Variants in FCMR observed in about 807,000 individuals in gnomAD.
FCMR encodes immunoglobulin mu Fc receptor.
In FCMR, 34 loss-of-function variants were observed where a neutral mutation model predicts 41.6. That is an observed-to-expected ratio of 0.82 (90% confidence interval 0.62 to 1.09). The LOEUF is 1.09. FCMR is among the 50% of genes least tolerant of loss of function. FCMR has a pLI of 0.00. For synonymous variants in FCMR, 209 were observed against 211.8 expected (o/e 0.99, Z 0.12); for missense variants, 496 against 512.5 (o/e 0.97, Z 0.31).
chr1:206,907,728 G>T, intron 7 of FCMR: 1 of 971,580 alleles, frequency 1.0e-6, no homozygotes, highest in Non-Finnish European at 1.7e-6. Flanking sequence ...GTTGTCGTAC[G>T]CTGGGAGGGC....
chr1:206,905,512 G>C (rs912404612), intron 7 of FCMR, among the ~76,000 whole-genome samples: 1 of 152,186 alleles, frequency 6.6e-6, no homozygotes, highest in African/African-American at 2.4e-5. Context: ...TTCAGAAGTA[G>C]AGTGAGTCAC....
intron 2 of FCMR, 153 bp downstream of exon 2, chr1:206,913,606 C>T: frequency 1.6e-6 from 1 of 633,780 alleles, no homozygotes; most frequent in Non-Finnish European, 2.8e-6. Context: ...AGGTAATTGA[C>T]TATGAGGTTT....
At chr1:206,915,577 A>C (rs1679156605) in intron 1 of FCMR, among the ~76,000 whole-genome samples, 1 of 152,208 alleles carries the variant, frequency 6.6e-6, no homozygotes, top group Non-Finnish European at 1.5e-5. Context: ...AGCCAGCTAC[A>C]GAAGAGGGTA....
intron 1 of FCMR, among the ~76,000 whole-genome samples, chr1:206,917,996 A>C (rs1339909398): frequency 6.6e-6 from 1 of 151,898 alleles, no homozygotes; most frequent in Admixed American, 6.6e-5. Context: ...CTCTTTCTCA[A>C]ATCAGTCATC....
At chr1:206,908,073 GATAACC>G in intron 7 of FCMR, 1 of 1,142,338 alleles carries the variant, frequency 8.8e-7, no homozygotes, top group Non-Finnish European at 1.3e-6. Context: ...ACCAGGCAGT[GATAACC>G]ACCCTGGAGG....
At chr1:206,921,148 C>A (rs571738727) in intron 1 of FCMR, among the ~76,000 whole-genome samples, 1 of 152,074 alleles carries the variant, frequency 6.6e-6, no homozygotes, top group African/African-American at 2.4e-5. Flanking sequence ...GAATGGATTA[C>A]GGAATTTTCA....
intron 1 of FCMR, among the ~76,000 whole-genome samples, chr1:206,920,827 T>C (rs1679407939): frequency 6.6e-6 from 1 of 152,242 alleles, no homozygotes; most frequent in Non-Finnish European, 1.5e-5. Flanking sequence ...ACCTTCCTAG[T>C]ATCAATTGCT....
Position 206,909,963 on chromosome 1 carries a change from G to A in FCMR, c.842-95C>T. The A allele has an allele frequency of 7.6e-7, 1 of 1,312,332 alleles. No individual in the cohort carries two copies. The allele number at this position is 1,312,332 out of a possible 1,614,324, so 81.3% of individuals were successfully genotyped here. A position where few individuals can be genotyped will look rare whatever the true frequency, so the allele number is the denominator to read the frequency against. On this transcript the variant is annotated intron_variant, in intron 5 of 7. Coordinates refer to ENST00000367091, the MANE Select transcript of FCMR (RefSeq NM_005449.5). This position sits in a 1 kb window ranked among gnomAD's most constrained non-coding sequence, Gnocchi z 5.0. ...AAGGCTGCCTCCTCCCTCGGGCTTG[G>A]CAGTGTCTGACCTGGAGATGCTCCA...
chr1:206,917,088 G>A (rs1483850448), intron 1 of FCMR, among the ~76,000 whole-genome samples: 7 of 152,174 alleles, frequency 4.6e-5, no homozygotes. Context: ...GGGGATATGT[G>A]GCTTAAAGAA....
In FCMR at chr1:206,907,972, G is replaced by T. The variant is rs1453327845; in HGVS notation, c.1044+1490C>A. 2.8e-6 allele frequency: 4 copies of T among 1,449,196 alleles called. No homozygotes were observed. In the African/African-American group the frequency reaches 5.6e-5, roughly 20 times the overall value. 89.8% of individuals were successfully genotyped at this position (1,449,196 alleles called of 1,614,324 possible). The stretch of plus-strand genomic sequence containing the variant: ...GCCCTACGACAAGAAAAAGCGGATG[G>T]TGGTTCCTGCTGCCCTCAAGGTCGT... On this transcript the variant is annotated intron_variant, in intron 7 of 7. Coordinates refer to ENST00000367091, the MANE Select transcript of FCMR (RefSeq NM_005449.5).
chr1:206,909,025 ACCT>A lies in FCMR; in HGVS notation c.1044+434_1044+436del, dbSNP rs2102548533. On this transcript the variant is annotated intron_variant, in intron 7 of 7. Transcript: ENST00000367091. The surrounding 1 kb of genome is among the most constrained non-coding windows in gnomAD (Gnocchi z 5.0). ...AACCGCCTCCAGAGAAAGGTAAATT[ACCT>A]CCTCTCATCTTCGAGAGTTTACTAG... is the stretch of plus-strand genomic sequence containing the variant. Among the ~76,000 whole-genome samples the A allele has an allele frequency of 6.6e-6, 1 of 152,200 alleles. No homozygotes were observed. Among genetic ancestry groups the A allele is most frequent in the African/African-American group, 2.4e-5 (1 of 41,526 alleles).
chr1:206,922,718 AC>A (rs750647502), upstream of FCMR, among the ~76,000 whole-genome samples: 2 of 152,190 alleles, frequency 1.3e-5, no homozygotes, highest in Non-Finnish European at 2.9e-5. Context: ...AAGTCACAGC[AC>A]CCTGGTAGAG....
At chr1:206,907,635 T>C in intron 7 of FCMR, 2 of 757,062 alleles carry the variant, frequency 2.6e-6, no homozygotes, top group Admixed American at 3.5e-5. Flanking sequence ...GGGGTGCAGG[T>C]CCTGGTGCTT....
At chr1:206,907,937 G>C in intron 7 of FCMR, 1 of 1,294,062 alleles carries the variant, frequency 7.7e-7, no homozygotes, top group Non-Finnish European at 1.1e-6. Context: ...GTGTTTGACG[G>C]CATCCTACTG....
At chr1:206,906,122 T>C (rs1163831285) in intron 7 of FCMR, 1 of 485,672 alleles carries the variant, frequency 2.1e-6, no homozygotes, top group Non-Finnish European at 4.2e-6. Context: ...GCACTCCACT[T>C]AGATGATATA....
At chr1:206,912,440 A>T (rs185166178) in intron 3 of FCMR, among the ~76,000 whole-genome samples, 3 of 152,362 alleles carry the variant, frequency 2.0e-5, no homozygotes, top group African/African-American at 7.2e-5. Flanking sequence ...GCATGTCAAA[A>T]TGCATTTAAA....
intron 1 of FCMR, among the ~76,000 whole-genome samples, chr1:206,916,062 T>C (rs775861596): frequency 2.1e-4 from 32 of 152,064 alleles, no homozygotes; most frequent in Non-Finnish European, 2.4e-4. Context: ...GTGTAGCTGA[T>C]GTAAACATGG....
intron 7 of FCMR, chr1:206,907,507 A>T (rs1678718036): frequency 4.7e-6 from 2 of 428,504 alleles, no homozygotes; most frequent in Non-Finnish European, 8.9e-6. Flanking sequence ...TTATTTGGGG[A>T]GGGGGAAGTA....
intron 7 of FCMR, among the ~76,000 whole-genome samples, chr1:206,908,760 A>T (rs568052908): frequency 3.2e-4 from 48 of 152,250 alleles, no homozygotes; most frequent in Non-Finnish European, 3.2e-4. Flanking sequence ...ACACCCTTTT[A>T]AAAAAAGCTT....
Sources: gnomAD v4.1 joint callset for allele counts (sites outside exome capture counted in the v4.1 genomes callset) on GRCh38, gnomAD v4.1.1 for gene constraint, Gnocchi (gnomAD v3.1) non-coding constraint, MANE v1.5 for transcripts, NCBI Gene and HGNC (gene_info 2026-07-23, HGNC 2026-07-21) for gene names.